The following SCUBE2 variants were observed in gnomAD, a reference collection of about 807,000 sequenced individuals.
SCUBE2 encodes the protein signal peptide, CUB domain and EGF like domain containing 2.
Under a neutral mutation model 125.9 loss-of-function variants are expected in SCUBE2, and 114 were observed. The ratio of observed to expected loss-of-function variants is 0.91; its 90% CI spans 0.78 to 1.06. SCUBE2 has a LOEUF of 1.06. Among genes scored for constraint, SCUBE2 ranks in the 50% least tolerant of loss-of-function variants. SCUBE2 has a pLI of 0.00. For synonymous variants in SCUBE2, 459 were observed against 492.9 expected (o/e 0.93, Z 0.91); for missense variants, 1,255 against 1,301.8 (o/e 0.96, Z 0.55).
intron 16 of SCUBE2, among the ~76,000 whole-genome samples, chr11:9,039,886 C>G (rs1590034083): frequency 6.6e-6 from 1 of 152,182 alleles, no homozygotes; most frequent in South Asian, 2.1e-4. Flanking sequence ...ATGTCCTGAC[C>G]TATATGATCG....
At position 9,021,005 on chromosome 11, in the gene SCUBE2, C is replaced by G. The variant is rs1182424127; in HGVS notation, c.*40G>C. 6.3e-7 allele frequency: 1 copy of G among 1,592,098 alleles called. No homozygotes were observed. Among genetic ancestry groups the G allele is most frequent in the South Asian group, 1.2e-5 (1 of 86,582 alleles). On this transcript the variant is annotated 3_prime_UTR_variant, in exon 23 of 23. Coordinates refer to ENST00000649792, the MANE Select transcript of SCUBE2 (RefSeq NM_001367977.2). ...GGAAGACAGCTCTGTCCCACCAACC[C>G]TATAGCAGAACATTTGTATTGAGTG...
At position 9,020,020 on chromosome 11, in the gene SCUBE2, T is replaced by C. The variant is rs1387394311; in HGVS notation, c.*1025A>G. 3.9e-5 allele frequency among the ~76,000 whole-genome samples: 6 copies of C among 152,200 alleles called. No individual in the cohort carries two copies. The highest frequency in any genetic ancestry group is 1.5e-5 in the Non-Finnish European group (1 of 68,032). ...TTACTGTTAGAGAATGAGACCACCCTTCAAGGGGCTGCTCATGTCCACGGA... is the reference window on the plus strand; with the variant it reads ...TTACTGTTAGAGAATGAGACCACCCCTCAAGGGGCTGCTCATGTCCACGGA... On this transcript the variant is annotated 3_prime_UTR_variant, in exon 23 of 23. Transcript: ENST00000649792.
At chr11:9,075,911 T>C (rs1345368198) in intron 3 of SCUBE2, among the ~76,000 whole-genome samples, 2 of 152,096 alleles carry the variant, frequency 1.3e-5, no homozygotes, top group African/African-American at 2.4e-5. Flanking sequence ...CAAGGCCTTC[T>C]GGAAGGGACA....
chr11:9,047,312 A>G (rs1344813464), intron 16 of SCUBE2, 44 bp downstream of exon 16: 1 of 1,601,540 alleles, frequency 6.2e-7, no homozygotes, highest in Non-Finnish European at 8.6e-7. Context: ...GTGTTTATGG[A>G]GCCCAAGGCT....
At chr11:9,054,022 A>G (rs1394532450) in intron 10 of SCUBE2, among the ~76,000 whole-genome samples, 1 of 105,620 alleles carries the variant, frequency 9.5e-6, no homozygotes, top group Non-Finnish European at 1.8e-5. Context: ...TTGAGATGGA[A>G]TTTTGCTCTT....
At chr11:9,031,745 G>GA (rs745988380) in intron 17 of SCUBE2, among the ~76,000 whole-genome samples, 12 of 152,096 alleles carry the variant, frequency 7.9e-5, no homozygotes, top group Non-Finnish European at 1.8e-4. Context: ...CAAACAAAAG[G>GA]ATTTCTAAAA....
chr11:9,033,275 G>T (rs1856471716), intron 17 of SCUBE2, among the ~76,000 whole-genome samples: 1 of 152,176 alleles, frequency 6.6e-6, no homozygotes, highest in Non-Finnish European at 1.5e-5. Context: ...GAAAAACCCA[G>T]ACCTCCTCTC....
At chr11:9,062,420 G>C (rs1413808148) in intron 7 of SCUBE2, among the ~76,000 whole-genome samples, 1 of 152,210 alleles carries the variant, frequency 6.6e-6, no homozygotes, top group Non-Finnish European at 1.5e-5. Context: ...CTATGTCACT[G>C]CCTCGTCACC....
At chr11:9,054,674 G>C (rs1283385312) in intron 10 of SCUBE2, among the ~76,000 whole-genome samples, 1 of 133,214 alleles carries the variant, frequency 7.5e-6, no homozygotes, top group Non-Finnish European at 1.5e-5. Flanking sequence ...GGAGAAGGGA[G>C]ATAACTGTCA....
At chr11:9,047,587 T>C (rs910459478) in intron 15 of SCUBE2, 25 bp from the exon 16 acceptor site, 2 of 1,608,750 alleles carry the variant, frequency 1.2e-6, no homozygotes, top group African/African-American at 2.7e-5. Flanking sequence ...GGGACAGCAG[T>C]GCGGGAGGAG....
chr11:9,062,289 C>T (rs1859757417), intron 7 of SCUBE2, among the ~76,000 whole-genome samples: 2 of 152,182 alleles, frequency 1.3e-5, no homozygotes. Context: ...ACACTGCAAC[C>T]CAGGATGCTA....
At chr11:9,047,647 A>G (rs1857933309) in intron 15 of SCUBE2, 85 bp from the exon 16 acceptor site, 1 of 1,348,526 alleles carries the variant, frequency 7.4e-7, no homozygotes, top group Admixed American at 1.9e-5. Context: ...GGCCCTACCA[A>G]CACCCCGAGC....
rs751247297 is a variant in SCUBE2 at position 9,021,962 on chromosome 11, G to A, written c.2855-7C>T. On this transcript the variant is annotated splice_polypyrimidine_tract_variant and splice_region_variant and intron_variant, in intron 21 of 22. Coordinates refer to ENST00000649792, the MANE Select transcript of SCUBE2 (RefSeq NM_001367977.2). ...ATGAGTTCCTGGTAGTCCTCTGTTG[G>A]AATAAAGAACATGTTTTGCATTCTT... is the stretch of plus-strand genomic sequence containing the variant. 1.2e-6 allele frequency: 2 copies of A among 1,604,592 alleles called. No homozygotes were observed.
At chr11:9,068,166 C>T (rs971773227) in intron 5 of SCUBE2, among the ~76,000 whole-genome samples, 1 of 151,822 alleles carries the variant, frequency 6.6e-6, no homozygotes, top group African/African-American at 2.4e-5. Flanking sequence ...GAAACTGTCC[C>T]CTCATCTCCT....
At chr11:9,088,609 C>G (rs936907717) in intron 2 of SCUBE2, among the ~76,000 whole-genome samples, 5 of 152,192 alleles carry the variant, frequency 3.3e-5, no homozygotes, top group Admixed American at 6.5e-5. Flanking sequence ...TGCAAGTATT[C>G]AGAAGATCAA....
intron 13 of SCUBE2, among the ~76,000 whole-genome samples, chr11:9,051,415 C>T (rs1467931864): frequency 6.6e-6 from 1 of 152,178 alleles, no homozygotes; most frequent in Non-Finnish European, 1.5e-5. Context: ...GGCAGATTCT[C>T]CTAAACAAGC....
chr11:9,040,749 C>G (rs1192099521), intron 16 of SCUBE2, among the ~76,000 whole-genome samples: 15 of 135,096 alleles, frequency 1.1e-4, no homozygotes, highest in East Asian at 4.6e-4. Context: ...GGGTACGCAG[C>G]ATAAAGGGAG....
chr11:9,081,037 T>C (rs1861600004), intron 2 of SCUBE2, among the ~76,000 whole-genome samples: 1 of 152,274 alleles, frequency 6.6e-6, no homozygotes, highest in South Asian at 2.1e-4. Context: ...AAAACCACAA[T>C]GAGATGCCAT....
chr11:9,023,611 C>G (rs946702410), intron 21 of SCUBE2, among the ~76,000 whole-genome samples: 11 of 152,210 alleles, frequency 7.2e-5, no homozygotes, highest in African/African-American at 2.7e-4. Context: ...TCCTTACTTG[C>G]TCCAACTCAT....
Sources: gnomAD v4.1 joint callset for allele counts (sites outside exome capture counted in the v4.1 genomes callset) on GRCh38, gnomAD v4.1.1 for gene constraint, MANE v1.5 for transcripts, NCBI Gene and HGNC (gene_info 2026-07-23, HGNC 2026-07-21) for gene names.